CAMTA1: variants seen among roughly 807,000 people sequenced by gnomAD.
CAMTA1 encodes the protein calmodulin binding transcription activator 1, also known as calmodulin-binding transcription activator 1.
A neutral mutation model predicts 170.9 loss-of-function variants in CAMTA1; 27 were observed. The ratio of observed to expected loss-of-function variants is 0.16; its 90% CI spans 0.12 to 0.22. The LOEUF is 0.22. Among genes scored for constraint, CAMTA1 ranks in the 10% least tolerant of loss-of-function variants. CAMTA1 has a pLI of 1.00. For synonymous variants in CAMTA1, 833 were observed against 891.5 expected (o/e 0.93, Z 1.17); for missense variants, 1,619 against 2,217.2 (o/e 0.73, Z 5.42).
At chr1:7,371,226 C>T (rs1373586869) in intron 5 of CAMTA1, among the ~76,000 whole-genome samples, 1 of 144,744 alleles carries the variant, frequency 6.9e-6, no homozygotes, top group African/African-American at 2.6e-5. Flanking sequence ...GTGGCACTTT[C>T]TAATGCTCTG....
chr1:7,001,897 C>CTTTT (rs35997562), intron 3 of CAMTA1, among the ~76,000 whole-genome samples: 3 of 137,432 alleles, frequency 2.2e-5, no homozygotes, highest in Non-Finnish European at 3.1e-5. Context: ...TCTTCTTCTT[C>CTTTT]TTTTTTTTTT....
At chr1:7,409,537 C>CA (rs5772276) in intron 5 of CAMTA1, among the ~76,000 whole-genome samples, 128,321 of 150,848 alleles carry the variant, frequency 0.85, 55,136 homozygotes, top group East Asian at 0.99. Flanking sequence ...TGCAGGCTCC[C>CA]AAGGGCTTCC....
chr1:6,843,393 G>C (rs1256061411), intron 3 of CAMTA1, among the ~76,000 whole-genome samples: 1 of 152,172 alleles, frequency 6.6e-6, no homozygotes, highest in Non-Finnish European at 1.5e-5. Context: ...CAGTTTCTGA[G>C]GAATTTCAGT....
intron 4 of CAMTA1, among the ~76,000 whole-genome samples, chr1:7,131,203 C>T (rs572605404): frequency 2.0e-5 from 3 of 152,278 alleles, no homozygotes; most frequent in East Asian, 1.9e-4. Flanking sequence ...CCACCCACCT[C>T]GGCCTCCCAA....
At chr1:7,290,033 C>A (rs559157651) in intron 5 of CAMTA1, among the ~76,000 whole-genome samples, 1 of 152,324 alleles carries the variant, frequency 6.6e-6, no homozygotes, top group South Asian at 2.1e-4. Flanking sequence ...CAATAAATTG[C>A]TCTTGCTTTA....
intron 4 of CAMTA1, among the ~76,000 whole-genome samples, chr1:7,091,965 T>C (rs1641523620): frequency 6.6e-6 from 1 of 152,266 alleles, no homozygotes; most frequent in Admixed American, 6.5e-5. Flanking sequence ...CCAGTGATGT[T>C]ACCATCTTGT....
chr1:7,452,908 T>G (rs1014124423), intron 5 of CAMTA1, among the ~76,000 whole-genome samples: 10 of 152,268 alleles, frequency 6.6e-5, no homozygotes, highest in Non-Finnish European at 1.3e-4. Context: ...ATGCTAATCC[T>G]ATGTTTAACT....
intron 3 of CAMTA1, among the ~76,000 whole-genome samples, chr1:7,002,316 C>CCT (rs1698340628): frequency 6.6e-6 from 1 of 152,176 alleles, no homozygotes; most frequent in Non-Finnish European, 1.5e-5. Flanking sequence ...ATACGGGAGT[C>CCT]AGGAGACCCA....
intron 6 of CAMTA1, among the ~76,000 whole-genome samples, chr1:7,537,121 C>A (rs1012349109): frequency 6.6e-6 from 1 of 152,194 alleles, no homozygotes; most frequent in Non-Finnish European, 1.5e-5. Flanking sequence ...CCTCCTCCCC[C>A]ACAGCTGAGA....
intron 4 of CAMTA1, chr1:7,142,032 T>C (rs1372485257): frequency 2.0e-6 from 1 of 507,514 alleles, no homozygotes; most frequent in East Asian, 5.6e-5. Flanking sequence ...CACCTCACGC[T>C]AGCTTCCTCT....
chr1:7,177,806 CCA>C (rs745576854), intron 4 of CAMTA1, among the ~76,000 whole-genome samples: 9 of 151,558 alleles, frequency 5.9e-5, no homozygotes, highest in Non-Finnish European at 1.3e-4. Context: ...GAGGCTCTTC[CCA>C]CACACTGAGC....
At chr1:7,595,030 T>C (rs1336389743) in intron 6 of CAMTA1, among the ~76,000 whole-genome samples, 1 of 152,218 alleles carries the variant, frequency 6.6e-6, no homozygotes, top group East Asian at 1.9e-4. Context: ...TGAGCTGGGA[T>C]ACCCCAACAT....
chr1:6,911,123 A>G (rs1482822379), intron 3 of CAMTA1, among the ~76,000 whole-genome samples: 1 of 152,202 alleles, frequency 6.6e-6, no homozygotes, highest in Non-Finnish European at 1.5e-5. Context: ...TTTTAAGTTA[A>G]TAGACCAAAT....
chr1:7,269,473 G>A (rs1236662863), intron 5 of CAMTA1, among the ~76,000 whole-genome samples: 1 of 152,188 alleles, frequency 6.6e-6, no homozygotes, highest in East Asian at 1.9e-4. Context: ...TATCCCATGA[G>A]TTGGAAGCCA....
Position 7,044,702 on chromosome 1 carries a change from CG to C in CAMTA1, c.235-46601del, listed in dbSNP as rs1558017040. Among the ~76,000 whole-genome samples the C allele has an allele frequency of 2.6e-5, 4 of 151,988 alleles. No individual in the cohort carries two copies. The East Asian group carries it at 7.8e-4, about 30-fold the overall frequency. On this transcript the variant is annotated intron_variant, in intron 3 of 22. Coordinates refer to ENST00000303635, the MANE Select transcript of CAMTA1 (RefSeq NM_015215.4). The surrounding 1 kb of genome is among the most constrained non-coding windows in gnomAD (Gnocchi z 5.0). ...TCCCTCCCCTCTCTGGGCGACCTTC[CG>C]AGGAGGCATCAGCTCTTCCCTTGCT...
At chr1:6,969,932 A>G (rs1692240305) in intron 3 of CAMTA1, among the ~76,000 whole-genome samples, 1 of 152,156 alleles carries the variant, frequency 6.6e-6, no homozygotes, top group African/African-American at 2.4e-5. Flanking sequence ...ATGTCGATAC[A>G]GTGCACATGT....
At chr1:7,316,358 A>G (rs542754492) in intron 5 of CAMTA1, among the ~76,000 whole-genome samples, 29 of 152,252 alleles carry the variant, frequency 1.9e-4, no homozygotes, top group Admixed American at 1.6e-3. Flanking sequence ...CAGGGCCTCT[A>G]TTTCCAAATA....
At chr1:7,019,964 T>TC (rs969876969) in intron 3 of CAMTA1, among the ~76,000 whole-genome samples, 3 of 152,360 alleles carry the variant, frequency 2.0e-5, no homozygotes, top group African/African-American at 7.2e-5. Context: ...TAAGTTGGGC[T>TC]CCACCCTCAG....
chr1:6,962,179 C>G (rs1450200757), intron 3 of CAMTA1, among the ~76,000 whole-genome samples: 1 of 152,240 alleles, frequency 6.6e-6, no homozygotes, highest in Non-Finnish European at 1.5e-5. Context: ...GTGCCAGATA[C>G]ATGGTGGACC....
Sources: gnomAD v4.1 joint callset for allele counts (sites outside exome capture counted in the v4.1 genomes callset) on GRCh38, gnomAD v4.1.1 for gene constraint, Gnocchi (gnomAD v3.1) non-coding constraint, MANE v1.5 for transcripts, NCBI Gene and HGNC (gene_info 2026-07-23, HGNC 2026-07-21) for gene names.